The following CDC14A variants were observed in gnomAD, a reference collection of about 807,000 sequenced individuals.
CDC14A encodes dual specificity protein phosphatase CDC14A.
In CDC14A, 53 loss-of-function variants were observed where a neutral mutation model predicts 74.4. The observed-to-expected ratio is 0.71, with a 90% CI of 0.57 to 0.89. The LOEUF (loss-of-function observed/expected upper bound fraction) is 0.89, where lower values mean the gene tolerates loss of function less well. Among genes scored for constraint, CDC14A ranks in the 40% least tolerant of loss-of-function variants. CDC14A has a pLI of 0.00. For synonymous variants in CDC14A, 247 were observed against 258.4 expected, an observed-to-expected ratio of 0.96 and a Z score of 0.43; for missense variants, 646 against 713.7, an observed-to-expected ratio of 0.91 and a Z score of 1.08.
chr1:100,424,117 G>C (rs1056815707), intron 4 of CDC14A, 105 bp from the exon 5 acceptor site: 17 of 807,192 alleles, frequency 2.1e-5, no homozygotes, highest in Admixed American at 5.4e-5. Flanking sequence ...CACTATCACC[G>C]TAACAGCTGT....
chr1:100,361,819 G>A (rs956907493), intron 2 of CDC14A, among the ~76,000 whole-genome samples: 2 of 152,122 alleles, frequency 1.3e-5, no homozygotes, highest in Non-Finnish European at 2.9e-5. Flanking sequence ...GAGTGACCAG[G>A]GCTCTACTTT....
chr1:100,376,191 T>C (rs1655238537), intron 2 of CDC14A, among the ~76,000 whole-genome samples: 1 of 152,158 alleles, frequency 6.6e-6, no homozygotes, highest in Non-Finnish European at 1.5e-5. Context: ...TTGGGAGCTA[T>C]ACCTAATGTA....
chr1:100,405,591 C>T (rs1297981378), intron 4 of CDC14A, among the ~76,000 whole-genome samples: 1 of 152,194 alleles, frequency 6.6e-6, no homozygotes, highest in East Asian at 1.9e-4. Flanking sequence ...TGTGTGTTCT[C>T]ATCGTTTAGC....
In CDC14A at chr1:100,393,799, T is replaced by C. The variant is rs7516172; in HGVS notation, c.309+2975T>C. The C allele has an allele frequency of 2.5e-3, 735 of 289,534 alleles. 9 individuals are homozygous for C. Among genetic ancestry groups the C allele is most frequent in the African/African-American group, 0.014 (646 of 44,592 alleles). The allele number at this position is 289,534 out of a possible 1,614,324, so 17.9% of individuals were successfully genotyped here. On this transcript the variant is annotated intron_variant, in intron 4 of 15. Coordinates refer to ENST00000336454, the MANE Select transcript of CDC14A (RefSeq NM_003672.4). ...CTCTACTAAAAATACAAAAATTAGC[T>C]GGGCGTGGTGATGCGAGCCTGTAGT...
chr1:100,407,997 C>G (rs1028295487), intron 4 of CDC14A, among the ~76,000 whole-genome samples: 1 of 151,936 alleles, frequency 6.6e-6, no homozygotes, highest in Non-Finnish European at 1.5e-5. Context: ...GTATGTTGTA[C>G]AGAATATTTA....
intron 13 of CDC14A, 98 bp from the exon 14 acceptor site, chr1:100,497,986 TA>T: frequency 7.7e-7 from 1 of 1,297,806 alleles, no homozygotes; most frequent in East Asian, 2.3e-5. Flanking sequence ...CCTGTCATGA[TA>T]TCTTTAAGAT....
chr1:100,408,286 A>G (rs980061231), intron 4 of CDC14A, among the ~76,000 whole-genome samples: 5 of 152,218 alleles, frequency 3.3e-5, no homozygotes, highest in Non-Finnish European at 7.3e-5. Context: ...CATGGTATAT[A>G]TGTACCACAT....
At position 100,491,569 on chromosome 1, in the gene CDC14A, TA is replaced by T. The variant is rs1354054827; in HGVS notation, c.1138-3248del. ...CTCTCTATATATATATATATATATA[TA>T]TATTTTTTTTTTTTTTTTTTTTTTT... is the stretch of plus-strand genomic sequence containing the variant. On this transcript the variant is annotated intron_variant, in intron 11 of 15. Coordinates refer to ENST00000336454, the MANE Select transcript of CDC14A (RefSeq NM_003672.4). Among the ~76,000 whole-genome samples the T allele has an allele frequency of 1.3e-3, 120 of 89,218 alleles. 1 individual carries two copies. Among genetic ancestry groups the T allele is most frequent in the African/African-American group, 3.8e-3 (72 of 18,754 alleles). 58.5% of individuals were successfully genotyped at this position (89,218 alleles called of 152,430 possible). A position where few individuals can be genotyped will look rare whatever the true frequency, so the allele number is the denominator to read the frequency against.
chr1:100,502,682 T>C (rs913463375), intron 15 of CDC14A, among the ~76,000 whole-genome samples: 1 of 152,244 alleles, frequency 6.6e-6, no homozygotes, highest in Admixed American at 6.5e-5. Context: ...ACAAGAATAA[T>C]GTTCTACTTT....
At chr1:100,352,449 G>A, upstream of CDC14A, 1 of 1,010,368 alleles carries the variant, frequency 9.9e-7, no homozygotes, top group Non-Finnish European at 1.2e-6. Flanking sequence ...GGCGGACCCA[G>A]GGGGAGGAGG....
chr1:100,501,913 A>C (rs1648776578), intron 15 of CDC14A, among the ~76,000 whole-genome samples: 2 of 152,230 alleles, frequency 1.3e-5, no homozygotes, highest in South Asian at 4.1e-4. Context: ...TTTAAAATAA[A>C]AAAAATAGGA....
At chr1:100,345,726 A>C (rs1271794400) in intron 1 of CDC14A, among the ~76,000 whole-genome samples, 1 of 152,240 alleles carries the variant, frequency 6.6e-6, no homozygotes, top group African/African-American at 2.4e-5. Context: ...ATAATAATAT[A>C]CCTACCTGAT....
At chr1:100,485,451 G>C (rs1411595631) in intron 11 of CDC14A, 1 of 348,668 alleles carries the variant, frequency 2.9e-6, no homozygotes, top group East Asian at 1.7e-4. Flanking sequence ...TGTGGTCCCA[G>C]TTACTTGGGA....
chr1:100,477,664 G>A (rs1205367361), intron 10 of CDC14A, among the ~76,000 whole-genome samples: 1 of 151,206 alleles, frequency 6.6e-6, no homozygotes, highest in African/African-American at 2.4e-5. Context: ...GAGAGATGAA[G>A]AGTATGAAGT....
intron 7 of CDC14A, among the ~76,000 whole-genome samples, chr1:100,449,621 G>A (rs745313476): frequency 2.0e-5 from 3 of 152,106 alleles, no homozygotes; most frequent in Admixed American, 6.5e-5. Flanking sequence ...CAACCCCATG[G>A]AAGCTCTTCT....
At chr1:100,464,615 C>T (rs1667619894) in intron 9 of CDC14A, among the ~76,000 whole-genome samples, 1 of 152,048 alleles carries the variant, frequency 6.6e-6, no homozygotes, top group Non-Finnish European at 1.5e-5. Context: ...TGTATTTTTT[C>T]CTGAGATTAA....
chr1:100,378,768 A>G (rs574915059), intron 3 of CDC14A, among the ~76,000 whole-genome samples: 11 of 152,294 alleles, frequency 7.2e-5, no homozygotes, highest in Non-Finnish European at 1.5e-4. Context: ...ACATAATAAA[A>G]TCTGTTTTAC....
intron 12 of CDC14A, among the ~76,000 whole-genome samples, chr1:100,495,616 A>AT (rs1211822982): frequency 2.0e-5 from 3 of 152,184 alleles, no homozygotes; most frequent in Admixed American, 6.5e-5. Flanking sequence ...AAGCAGCAAC[A>AT]TTTTTTTGAC....
chr1:100,438,491 A>G (rs1020003731), intron 5 of CDC14A, among the ~76,000 whole-genome samples: 3 of 152,190 alleles, frequency 2.0e-5, no homozygotes, highest in African/African-American at 7.2e-5. Flanking sequence ...TTTCTCTGGC[A>G]TAGCCCATTA....
Sources: allele counts gnomAD v4.1 joint callset (sites outside exome capture counted in the v4.1 genomes callset), GRCh38; gene constraint gnomAD v4.1.1; transcripts MANE v1.5; gene names NCBI Gene and HGNC (gene_info 2026-07-23, HGNC 2026-07-21).